DPP10: variants seen among roughly 807,000 people sequenced by gnomAD.
DPP10 encodes the protein inactive dipeptidyl peptidase 10.
In DPP10, 33 loss-of-function variants were observed where a neutral mutation model predicts 120.9. The ratio of observed to expected loss-of-function variants is 0.27; its 90% CI spans 0.21 to 0.37. DPP10 has a LOEUF of 0.37. DPP10 is among the 10% of genes least tolerant of loss of function. The pLI is 1.00. For synonymous variants in DPP10, 337 were observed against 326.1 expected, an observed-to-expected ratio of 1.03 and a Z score of -0.36; for missense variants, 816 against 942.8, an observed-to-expected ratio of 0.87 and a Z score of 1.76.
chr2:114,669,766 A>T (rs991315337), intron 1 of DPP10, among the ~76,000 whole-genome samples: 1 of 152,014 alleles, frequency 6.6e-6, no homozygotes, highest in African/African-American at 2.4e-5. Context: ...CATTTTTTTT[A>T]TTATTACAAA....
chr2:115,384,454 A>T (rs567250848), intron 3 of DPP10, among the ~76,000 whole-genome samples: 63 of 48,326 alleles, frequency 1.3e-3, no homozygotes, highest in South Asian at 4.7e-3. Context: ...AGGAAGAAGA[A>T]GAAGGAAGAA....
At chr2:114,549,592 C>T (rs890065713) in intron 1 of DPP10, among the ~76,000 whole-genome samples, 12 of 134,372 alleles carry the variant, frequency 8.9e-5, no homozygotes, top group African/African-American at 2.5e-4. Context: ...ACCCAGGAGG[C>T]GGAGGTTGCA....
chr2:114,632,454 GT>G (rs768687418), intron 1 of DPP10, among the ~76,000 whole-genome samples: 1 of 110,018 alleles, frequency 9.1e-6, no homozygotes, highest in Admixed American at 8.9e-5. Flanking sequence ...TTTCCTTTTT[GT>G]TTTCCTTTTC....
At chr2:115,474,802 G>C (rs1375013202) in intron 3 of DPP10, among the ~76,000 whole-genome samples, 2 of 150,698 alleles carry the variant, frequency 1.3e-5, no homozygotes, top group Non-Finnish European at 2.9e-5. Context: ...GTAAAGAGGA[G>C]CCAATTACTA....
At chr2:115,309,152 A>G in intron 1 of DPP10, 87 bp from the exon 2 acceptor site, 2 of 988,618 alleles carry the variant, frequency 2.0e-6, no homozygotes, top group Non-Finnish European at 3.1e-6. Flanking sequence ...TCAAACTGTG[A>G]TTGTGCCATG....
chr2:114,496,319 G>A (rs1004491155), intron 1 of DPP10, among the ~76,000 whole-genome samples: 1 of 152,090 alleles, frequency 6.6e-6, no homozygotes, highest in Non-Finnish European at 1.5e-5. Flanking sequence ...CAGAATTGGG[G>A]CCTACACCTC....
At chr2:115,172,898 T>C (rs2053453385) in intron 1 of DPP10, among the ~76,000 whole-genome samples, 1 of 152,176 alleles carries the variant, frequency 6.6e-6, no homozygotes, top group Non-Finnish European at 1.5e-5. Flanking sequence ...AAGGGCATCT[T>C]TAATATTGAG....
At chr2:114,701,916 G>A (rs188108386) in intron 1 of DPP10, among the ~76,000 whole-genome samples, 296 of 152,210 alleles carry the variant, frequency 1.9e-3, no homozygotes, top group African/African-American at 6.8e-3. Flanking sequence ...ATCAGCGCAA[G>A]CCTAGAGAGA....
intron 1 of DPP10, among the ~76,000 whole-genome samples, chr2:115,004,165 GA>G: frequency 6.6e-6 from 1 of 152,156 alleles, no homozygotes; most frequent in East Asian, 1.9e-4. Context: ...GTGATCACCA[GA>G]GGCTGGAAAG....
At chr2:115,606,092 C>A (rs2149235590) in intron 5 of DPP10, among the ~76,000 whole-genome samples, 1 of 152,170 alleles carries the variant, frequency 6.6e-6, no homozygotes, top group Non-Finnish European at 1.5e-5. Flanking sequence ...AATGCAAAAT[C>A]TTATTTAGCA....
At chr2:115,063,263 G>A (rs1706565061) in intron 1 of DPP10, among the ~76,000 whole-genome samples, 1 of 152,108 alleles carries the variant, frequency 6.6e-6, no homozygotes, top group Non-Finnish European at 1.5e-5. Context: ...ATTTGTTTAA[G>A]TTTCTCATAG....
At chr2:115,771,274 G>T (rs917291120) in intron 13 of DPP10, among the ~76,000 whole-genome samples, 4 of 151,658 alleles carry the variant, frequency 2.6e-5, no homozygotes, top group Non-Finnish European at 4.4e-5. Context: ...GGGTTTCACC[G>T]TGTTGCCCAG....
chr2:114,993,112 T>C (rs1240774189), intron 1 of DPP10, among the ~76,000 whole-genome samples: 1 of 152,188 alleles, frequency 6.6e-6, no homozygotes. Flanking sequence ...CTGTCACTTC[T>C]TAGAATCAGC....
chr2:114,977,979 T>A (rs1699857959), intron 1 of DPP10, among the ~76,000 whole-genome samples: 1 of 152,126 alleles, frequency 6.6e-6, no homozygotes, highest in Admixed American at 6.6e-5. Flanking sequence ...CAATACTGCC[T>A]CCCTCTGACA....
chr2:115,511,902 A>C (rs548141814), intron 4 of DPP10, among the ~76,000 whole-genome samples: 1 of 150,618 alleles, frequency 6.6e-6, no homozygotes, highest in South Asian at 2.1e-4. Flanking sequence ...AATTTTTTTA[A>C]AAAAAGTTTT....
intron 5 of DPP10, among the ~76,000 whole-genome samples, chr2:115,601,815 A>G (rs1448465): frequency 0.14 from 21,280 of 150,330 alleles, 2,655 homozygotes; most frequent in African/African-American, 0.33. Context: ...CTGGTATTGC[A>G]GGTACGCACA....
At chr2:115,459,165 T>C (rs953672711) in intron 3 of DPP10, among the ~76,000 whole-genome samples, 1 of 152,044 alleles carries the variant, frequency 6.6e-6, no homozygotes, top group Non-Finnish European at 1.5e-5. Flanking sequence ...GTTTGATTTT[T>C]TTTTTTTTTT....
At chr2:115,745,526 G>GCAATTATGCA (rs1677846040) in intron 9 of DPP10, among the ~76,000 whole-genome samples, 1 of 150,482 alleles carries the variant, frequency 6.6e-6, no homozygotes, top group Non-Finnish European at 1.5e-5. Context: ...TTATGCAAAT[G>GCAATTATGCA]AGTCACCCCA....
chr2:114,478,300 G>A (rs1201970280), intron 1 of DPP10, among the ~76,000 whole-genome samples: 1 of 152,016 alleles, frequency 6.6e-6, no homozygotes, highest in Non-Finnish European at 1.5e-5. Context: ...TATCAACAGG[G>A]TAGGGTAGGA....
Sources: gnomAD v4.1 joint callset for allele counts (sites outside exome capture counted in the v4.1 genomes callset) on GRCh38, gnomAD v4.1.1 for gene constraint, MANE v1.5 for transcripts, NCBI Gene and HGNC (gene_info 2026-07-23, HGNC 2026-07-21) for gene names.